The following ARL6IP1 variants were observed in gnomAD, a reference collection of about 807,000 sequenced individuals.
The protein encoded by ARL6IP1 is ARL6 interacting reticulophagy regulator 1.
In ARL6IP1, 16 loss-of-function variants were observed where a neutral mutation model predicts 30.1. The ratio of observed to expected loss-of-function variants is 0.53; its 90% confidence interval spans 0.36 to 0.81. ARL6IP1 has a LOEUF of 0.81. Among genes scored for constraint, ARL6IP1 ranks in the 30% least tolerant of loss-of-function variants. The pLI is 0.01. For synonymous variants in ARL6IP1, 72 were observed against 84.8 expected, an observed-to-expected ratio of 0.85 and a Z score of 0.83; for missense variants, 173 against 242.7, an observed-to-expected ratio of 0.71 and a Z score of 1.91.
At chr16:18,800,980 T>C (rs975740748) in intron 1 of ARL6IP1, among the ~76,000 whole-genome samples, 1 of 152,060 alleles carries the variant, frequency 6.6e-6, no homozygotes, top group African/African-American at 2.4e-5. Context: ...CTAAGATAAA[T>C]TCTGGGCAGT....
rs770346896 is a variant in ARL6IP1, at chr16:18,798,010, C to T, written c.205G>A (p.Gly69Ser). The change falls in exon 3 of 6, where the codon GGC becomes AGC. Residue 69 changes from glycine (G) to serine (S), a missense_variant. Gly to Ser is a moderately conservative substitution (Grantham distance 56). Coordinates refer to ENST00000304414, the MANE Select transcript of ARL6IP1 (RefSeq NM_015161.3). The part of the protein sequence containing the change: ...IYYLDPSVLS[G>S]VSCFVMFLCL... ...AAAAACATAACAAAACAGGAAACGC[C>T]GGACAGAACAGATGGATCTAGATAG... The T allele has an allele frequency of 4.0e-5, 64 of 1,613,114 alleles. No homozygotes were observed. The highest frequency in any genetic ancestry group is 4.7e-5 in the Non-Finnish European group (56 of 1,179,632).
At chr16:18,801,397 C>T (rs1198403421) in intron 1 of ARL6IP1, 34 bp downstream of exon 1, 1 of 1,611,146 alleles carries the variant, frequency 6.2e-7, no homozygotes, top group Non-Finnish European at 8.5e-7. Context: ...GGAGGCCTCG[C>T]TCGGCTCCCG....
intron 1 of ARL6IP1, among the ~76,000 whole-genome samples, chr16:18,800,134 A>G (rs2030364256): frequency 2.0e-5 from 3 of 152,188 alleles, no homozygotes; most frequent in South Asian, 4.1e-4. Context: ...GTGTGATCTC[A>G]ATATTTCTGA....
chr16:18,798,752 T>A lies in ARL6IP1; in HGVS notation c.119A>T (p.Glu40Val). The A allele has an allele frequency of 1.2e-6, 2 of 1,614,170 alleles. No individual in the cohort carries two copies. The highest frequency in any genetic ancestry group is 1.7e-6 in the Non-Finnish European group (2 of 1,180,018). The change falls in exon 2 of 6, where the codon GAA becomes GTA. Residue 40 changes from glutamate to valine, a missense_variant. By Grantham distance (121) the Glu-to-Val change is moderately radical (BLOSUM62 -2). Coordinates refer to ENST00000304414, the MANE Select transcript of ARL6IP1 (RefSeq NM_015161.3). ...MLMADKVLRW[E>V]RAWFPPAIMG... ...GATGGCAGGTGGAAACCAGGCTCTT[T>A]CCCATCGGAGGACTTTATCAGCCAT...
In ARL6IP1 at chr16:18,793,217, G is replaced by T. The variant is rs376630761; in HGVS notation, c.*35C>A. 6.0e-5 allele frequency: 84 copies of T among 1,404,816 alleles called. No homozygotes were observed. The South Asian group carries it at 9.5e-4, about 16-fold the overall frequency. The allele number at this position is 1,404,816 out of a possible 1,614,324, so 87.0% of individuals were successfully genotyped here. A position where few individuals can be genotyped will look rare whatever the true frequency, so the allele number is the denominator to read the frequency against. On this transcript the variant is annotated 3_prime_UTR_variant, in exon 6 of 6. Transcript: ENST00000304414. Reference sequence around the variant, plus strand: ...GCAGAAACGGTTCCCGGGGCAATGGGTGCTGCATTAATCACACTGATTAAA... The same window carrying T: ...GCAGAAACGGTTCCCGGGGCAATGGTTGCTGCATTAATCACACTGATTAAA...
chr16:18,797,381 CAAAA>C (rs58429351), intron 3 of ARL6IP1, among the ~76,000 whole-genome samples: 3 of 82,712 alleles, frequency 3.6e-5, no homozygotes, highest in Non-Finnish European at 2.4e-5. Context: ...GCCTCCATCT[CAAAA>C]AAAAAAAAAA....
In ARL6IP1 at chr16:18,795,796, A is replaced by AGT. The variant is rs146265293; in HGVS notation, c.291-217_291-216dup. On this transcript the variant is annotated intron_variant, in intron 3 of 5. Coordinates refer to ENST00000304414, the MANE Select transcript of ARL6IP1 (RefSeq NM_015161.3). ...CATAAACTATGTGTGTGAGAGAGAG[A>AGT]GTGTGTGTGTGTGTGCGTGTGATAA... 0.087 allele frequency among the ~76,000 whole-genome samples: 13,202 copies of AGT among 151,638 alleles called. 687 individuals carry two copies. The highest frequency in any genetic ancestry group is 0.15 in the African/African-American group (6,290 of 41,364).
chr16:18,801,148 C>A, intron 1 of ARL6IP1: 1 of 1,361,644 alleles, frequency 7.3e-7, no homozygotes, highest in Non-Finnish European at 9.5e-7. Flanking sequence ...CACCCGCACC[C>A]CAGGCTAGTG....
chr16:18,796,355 A>T (rs945296951), intron 3 of ARL6IP1, among the ~76,000 whole-genome samples: 1 of 152,242 alleles, frequency 6.6e-6, no homozygotes, highest in African/African-American at 2.4e-5. Context: ...GTGATAGATA[A>T]AGTACAAGGA....
At chr16:18,801,190 G>A in intron 1 of ARL6IP1, 2 of 1,401,820 alleles carry the variant, frequency 1.4e-6, no homozygotes, top group Non-Finnish European at 1.9e-6. Context: ...CTTCCTCCTC[G>A]ACTCCTACTC....
chr16:18,793,989 G>C (rs1002835280), intron 5 of ARL6IP1, among the ~76,000 whole-genome samples: 3 of 151,166 alleles, frequency 2.0e-5, no homozygotes, highest in African/African-American at 4.9e-5. Flanking sequence ...GGTGGTGGGT[G>C]GGGGGGGTGG....
chr16:18,795,409 G>T, intron 4 of ARL6IP1, 55 bp downstream of exon 4: 1 of 1,269,038 alleles, frequency 7.9e-7, no homozygotes, highest in East Asian at 2.3e-5. Context: ...ACAAAAAGGC[G>T]AATTGACTCA....
chr16:18,795,407 G>A (rs1567291461), intron 4 of ARL6IP1, 57 bp downstream of exon 4: 4 of 1,231,570 alleles, frequency 3.2e-6, no homozygotes, highest in Non-Finnish European at 4.7e-6. Context: ...AGACAAAAAG[G>A]CGAATTGACT....
intron 1 of ARL6IP1, among the ~76,000 whole-genome samples, chr16:18,800,419 A>G (rs2030373308): frequency 6.6e-6 from 1 of 152,228 alleles, no homozygotes; most frequent in Non-Finnish European, 1.5e-5. Flanking sequence ...TGTCATTTCA[A>G]CAGGGCTTGA....
chr16:18,801,370 T>G, intron 1 of ARL6IP1, 61 bp downstream of exon 1: 1 of 1,600,926 alleles, frequency 6.2e-7, no homozygotes, highest in Non-Finnish European at 8.5e-7. Flanking sequence ...CCGCGGTGTT[T>G]GAGCCCACGG....
At chr16:18,794,114 A>G (rs983857894) in intron 5 of ARL6IP1, among the ~76,000 whole-genome samples, 3 of 151,882 alleles carry the variant, frequency 2.0e-5, no homozygotes, top group African/African-American at 4.8e-5. Context: ...ACCACATCCA[A>G]CTAATTTTTG....
rs1215377039 is a variant in ARL6IP1 at position 18,792,118 on chromosome 16, A to T, written c.*1134T>A. The T allele has an allele frequency of 6.6e-6, 1 of 152,248 alleles. No homozygotes were observed. The highest frequency in any genetic ancestry group is 1.9e-4 in the East Asian group (1 of 5,200). 9.4% of individuals were successfully genotyped at this position (152,248 alleles called of 1,614,324 possible). ...CAAGAAGTTAAGAATGATTATAAGAAGCTTTCCAAGGAGTTATGAAATCTT... is the reference window on the plus strand; with the variant it reads ...CAAGAAGTTAAGAATGATTATAAGATGCTTTCCAAGGAGTTATGAAATCTT... On this transcript the variant is annotated 3_prime_UTR_variant, in exon 6 of 6. Transcript: ENST00000304414.
At chr16:18,794,099 G>C (rs1194506600) in intron 5 of ARL6IP1, among the ~76,000 whole-genome samples, 1 of 152,028 alleles carries the variant, frequency 6.6e-6, no homozygotes, top group African/African-American at 2.4e-5. Context: ...CTACAGGTGT[G>C]TACCACCACA....
intron 2 of ARL6IP1, 148 bp downstream of exon 2, chr16:18,798,553 A>G (rs2030312988): frequency 1.2e-6 from 1 of 852,926 alleles, no homozygotes; most frequent in African/African-American, 1.8e-5. Context: ...TCTGGAAACT[A>G]GAAGTGCTTA....
Sources: gnomAD v4.1 joint callset for allele counts (sites outside exome capture counted in the v4.1 genomes callset) on GRCh38, gnomAD v4.1.1 for gene constraint, MANE v1.5 for transcripts, NCBI Gene and HGNC (gene_info 2026-07-23, HGNC 2026-07-21) for gene names.